Variants in ZNF483 observed in about 807,000 individuals in gnomAD.
The protein encoded by ZNF483 is zinc finger protein 483.
Under a neutral mutation model 28.6 loss-of-function variants are expected in ZNF483, and 9 were observed. The ratio of observed to expected loss-of-function variants is 0.32; its 90% CI spans 0.19 to 0.55. The LOEUF is 0.55. Among genes scored for constraint, ZNF483 ranks in the 20% least tolerant of loss-of-function variants. ZNF483 has a pLI of 0.93. For synonymous variants in ZNF483, 322 were observed against 306.2 expected, an observed-to-expected ratio of 1.05 and a Z score of -0.54; for missense variants, 675 against 871.7, an observed-to-expected ratio of 0.77 and a Z score of 2.84.
chr9:111,550,894 C>T lies in ZNF483; in HGVS notation c.*7724C>T, dbSNP rs1236829440. ...GTGTTATTCTGCTCCCTGCATTATC[C>T]CTGTTTCCTTTGAGTTGTTTTCACC... On this transcript the variant is annotated 3_prime_UTR_variant, in exon 6 of 6. Coordinates refer to ENST00000309235, the MANE Select transcript of ZNF483 (RefSeq NM_133464.5). Among the ~76,000 whole-genome samples, 1 of 152,064 alleles carries T rather than the reference C, an allele frequency of 6.6e-6. No individual in the cohort carries two copies. Among genetic ancestry groups the T allele is most frequent in the African/African-American group, 2.4e-5 (1 of 41,396 alleles).
At chr9:111,528,784 G>A (rs1158019255) in intron 2 of ZNF483, among the ~76,000 whole-genome samples, 3 of 152,156 alleles carry the variant, frequency 2.0e-5, no homozygotes, top group Non-Finnish European at 2.9e-5. Flanking sequence ...TGACTCCTCT[G>A]TGATTTGTCA....
At chr9:111,571,780 A>C (rs1343963027) in intron 5 of ZNF483, among the ~76,000 whole-genome samples, 2 of 152,198 alleles carry the variant, frequency 1.3e-5, no homozygotes, top group South Asian at 4.1e-4. Context: ...TTGGGATTAC[A>C]GGCATAAGCC....
At chr9:111,527,852 A>G (rs1339538639) in intron 2 of ZNF483, 45 bp downstream of exon 2, 1 of 1,613,962 alleles carries the variant, frequency 6.2e-7, no homozygotes. Flanking sequence ...CATTGCCTCA[A>G]AGTCCGAAAG....
chr9:111,575,813 T>G (rs932491027), intron 5 of ZNF483, among the ~76,000 whole-genome samples: 3 of 152,114 alleles, frequency 2.0e-5, no homozygotes, highest in African/African-American at 7.2e-5. Context: ...AACACAGGAA[T>G]AAATATTCAT....
downstream of ZNF483, among the ~76,000 whole-genome samples, chr9:111,559,361 C>T (rs560087472): frequency 3.7e-4 from 57 of 152,154 alleles, no homozygotes; most frequent in African/African-American, 1.2e-3. Flanking sequence ...GGCAGCCCTG[C>T]GATTCCAATG....
intron 5 of ZNF483, among the ~76,000 whole-genome samples, chr9:111,560,976 G>T (rs10980945): frequency 0.34 from 3,701 of 10,940 alleles, 124 homozygotes; most frequent in African/African-American, 0.36. Flanking sequence ...TATATATATA[G>T]AGAGAGAGAG....
chr9:111,531,314 C>T (rs1214073197), intron 3 of ZNF483, among the ~76,000 whole-genome samples: 8 of 152,306 alleles, frequency 5.3e-5, no homozygotes, highest in Non-Finnish European at 8.8e-5. Flanking sequence ...AACAAAAACA[C>T]TTACTAAAAT....
intron 1 of ZNF483, among the ~76,000 whole-genome samples, chr9:111,525,713 G>A (rs964829362): frequency 6.6e-6 from 1 of 151,904 alleles, no homozygotes; most frequent in Non-Finnish European, 1.5e-5. Flanking sequence ...CATTTTCACC[G>A]GGCCTCCTAT....
rs369198040 is a variant in ZNF483 at position 111,528,347 on chromosome 9, G to A, written c.412+540G>A. The stretch of plus-strand genomic sequence containing the variant: ...ATTTAAAGTTTAAATAGCCACATGC[G>A]ACTAGTAACTATTTTATAGTGCAGT... On this transcript the variant is annotated intron_variant, in intron 2 of 5. Coordinates refer to ENST00000309235, the MANE Select transcript of ZNF483 (RefSeq NM_133464.5). 9.2e-4 allele frequency among the ~76,000 whole-genome samples: 140 copies of A among 152,294 alleles called. 2 individuals are homozygous for A. Among genetic ancestry groups the A allele is most frequent in the South Asian group, 7.5e-3 (36 of 4,820 alleles).
intron 5 of ZNF483, among the ~76,000 whole-genome samples, chr9:111,561,102 T>TAGAGAGAGAGAGAGAGAGAG: frequency 3.4e-5 from 1 of 29,354 alleles, no homozygotes; most frequent in Non-Finnish European, 6.2e-5. Context: ...TATATATATA[T>TAGAGAGAGAGAGAGAGAGAG]ATATATATAG....
chr9:111,525,922 C>T (rs150376451), intron 1 of ZNF483, among the ~76,000 whole-genome samples: 125 of 152,292 alleles, frequency 8.2e-4, no homozygotes, highest in African/African-American at 2.9e-3. Flanking sequence ...ACATCCTTCA[C>T]TTGTCGCATT....
Position 111,529,693 on chromosome 9 carries a change from G to A in ZNF483, c.413-1182G>A, listed in dbSNP as rs188784654. ...TGAGGGTATACAGAAAGAAGTTTTC[G>A]TGAGCTTAGGATTTGAAAAGATTTT... On this transcript the variant is annotated intron_variant, in intron 2 of 5. Coordinates refer to ENST00000309235, the MANE Select transcript of ZNF483 (RefSeq NM_133464.5). Among the ~76,000 whole-genome samples, 90 of 152,302 alleles carry A rather than the reference G, an allele frequency of 5.9e-4. 1 individual carries two copies. In the South Asian group the frequency reaches 6.6e-3, roughly 11 times the overall value.
rs2132288659 is a variant in ZNF483 at position 111,553,575 on chromosome 9, T to G, written c.*10405T>G. Among the ~76,000 whole-genome samples, 1 of 152,290 alleles carries G rather than the reference T, an allele frequency of 6.6e-6. No individual in the cohort carries two copies. The highest frequency in any genetic ancestry group is 2.4e-5 in the African/African-American group (1 of 41,562). ...AAAAAATCATCTGAACTCAAATCAA[T>G]CTGTTGATACTGACTAGATTGGTGA... On this transcript the variant is annotated 3_prime_UTR_variant, in exon 6 of 6. Transcript: ENST00000309235.
At chr9:111,559,596 ACT>A (rs1491015550), downstream of ZNF483, among the ~76,000 whole-genome samples, 1 of 151,510 alleles carries the variant, frequency 6.6e-6, no homozygotes, top group Non-Finnish European at 1.5e-5. Flanking sequence ...ACACACACAC[ACT>A]CACACACACA....
chr9:111,550,176 T>G lies in ZNF483; in HGVS notation c.*7006T>G, dbSNP rs987933074. On this transcript the variant is annotated 3_prime_UTR_variant, in exon 6 of 6. Transcript: ENST00000309235. ...GTCTCAATTCTTTACAGAGCCTGCGTTTTTCCCTGGGCGGGAGCAATGGCT... is the reference window on the plus strand; with the variant it reads ...GTCTCAATTCTTTACAGAGCCTGCGGTTTTCCCTGGGCGGGAGCAATGGCT... 9.2e-5 allele frequency among the ~76,000 whole-genome samples: 14 copies of G among 152,186 alleles called. No homozygotes were observed. The highest frequency in any genetic ancestry group is 3.4e-4 in the African/African-American group (14 of 41,440).
At chr9:111,561,229 CAA>C (rs1290021792) in intron 5 of ZNF483, among the ~76,000 whole-genome samples, 3 of 145,622 alleles carry the variant, frequency 2.1e-5, no homozygotes, top group South Asian at 2.2e-4. Context: ...TCCATATGTT[CAA>C]GTCTTCTTTT....
At position 111,540,508 on chromosome 9, in the gene ZNF483, A is replaced by G. The variant is rs571584451; in HGVS notation, c.722-1149A>G. Among the ~76,000 whole-genome samples, 3 of 152,304 alleles carry G rather than the reference A, an allele frequency of 2.0e-5. No individual in the cohort carries two copies. The East Asian group carries it at 5.8e-4, about 29-fold the overall frequency. On this transcript the variant is annotated intron_variant, in intron 5 of 5. Transcript: ENST00000309235. ...CTGGAGATTGTTGGAATTGAACTCT[A>G]GGCCCTGTTGAATTTATGTTTGTGA...
downstream of ZNF483, among the ~76,000 whole-genome samples, chr9:111,558,623 T>G (rs1564606606): frequency 6.6e-6 from 1 of 152,206 alleles, no homozygotes; most frequent in Non-Finnish European, 1.5e-5. Flanking sequence ...AAATCCACAA[T>G]CTGGAATTTA....
chr9:111,547,450 G>A lies in ZNF483; in HGVS notation c.*4280G>A, dbSNP rs1827832471. The stretch of plus-strand genomic sequence containing the variant: ...TGACCATTTGTATCTCTTCTTTGGA[G>A]AAATGTTTATTGAAGTCCTTTGCCC... On this transcript the variant is annotated 3_prime_UTR_variant, in exon 6 of 6. Transcript: ENST00000309235. Among the ~76,000 whole-genome samples, 1 of 152,094 alleles carries A rather than the reference G, an allele frequency of 6.6e-6. No homozygotes were observed. Among genetic ancestry groups the A allele is most frequent in the Non-Finnish European group, 1.5e-5 (1 of 67,996 alleles).
Sources: allele counts gnomAD v4.1 joint callset (sites outside exome capture counted in the v4.1 genomes callset), GRCh38; gene constraint gnomAD v4.1.1; transcripts MANE v1.5; gene names NCBI Gene and HGNC (gene_info 2026-07-23, HGNC 2026-07-21).